The following ADAMTSL1 variants were observed in gnomAD, a reference collection of about 807,000 sequenced individuals.
ADAMTSL1 encodes the protein ADAMTS like 1.
A neutral mutation model predicts 201.8 loss-of-function variants in ADAMTSL1; 126 were observed. That is an observed-to-expected ratio of 0.62 (90% CI 0.54 to 0.72). The LOEUF is 0.72. Ranked by LOEUF, ADAMTSL1 falls within the 30% of genes least tolerant of loss-of-function variation. The probability of loss-of-function intolerance (pLI) is 0.00; values close to 1 mark genes in which losing one functional copy is unlikely to be tolerated. For synonymous variants in ADAMTSL1, 1,121 were observed against 903.4 expected (o/e 1.24, Z -4.32); for missense variants, 2,679 against 2,277.8 (o/e 1.18, Z -3.59).
chr9:18,638,156 C>T (rs544109271), intron 6 of ADAMTSL1, among the ~76,000 whole-genome samples: 7 of 152,198 alleles, frequency 4.6e-5, no homozygotes, highest in African/African-American at 1.7e-4. Context: ...AGAAGAAAGT[C>T]TCCACAGACT....
rs763106992 is a variant in ADAMTSL1, at chr9:18,829,997, A to G, written c.4249+20A>G. 2 of 1,592,332 alleles carry G rather than the reference A, an allele frequency of 1.3e-6. No individual in the cohort carries two copies. The highest frequency in any genetic ancestry group is 2.3e-5 in the South Asian group (2 of 87,748). On this transcript the variant is annotated intron_variant, in intron 23 of 28. Transcript: ENST00000380548. ...TCCTTGGTGAGTCTAACCCTCGGAAACATTGGGCAGAAAGCCAGGACTGGA... is the reference window on the plus strand; with the variant it reads ...TCCTTGGTGAGTCTAACCCTCGGAAGCATTGGGCAGAAAGCCAGGACTGGA...
intron 4 of ADAMTSL1, among the ~76,000 whole-genome samples, chr9:18,577,098 T>C (rs573929871): frequency 6.6e-6 from 1 of 152,300 alleles, no homozygotes; most frequent in East Asian, 1.9e-4. Context: ...AATTCAGATT[T>C]ATTAATTCTA....
intron 7 of ADAMTSL1, among the ~76,000 whole-genome samples, chr9:18,652,505 C>A (rs1278287806): frequency 6.6e-6 from 1 of 151,876 alleles, no homozygotes; most frequent in South Asian, 2.1e-4. Flanking sequence ...TTTGGTGAAA[C>A]AGCAATATGC....
chr9:18,824,199 A>C (rs946882557), intron 21 of ADAMTSL1, among the ~76,000 whole-genome samples: 7 of 150,684 alleles, frequency 4.6e-5, no homozygotes, highest in African/African-American at 1.7e-4. Flanking sequence ...TTTAAATGGG[A>C]AAAAAACTAA....
chr9:17,946,502 T>G (rs144909473), intron 1 of ADAMTSL1, among the ~76,000 whole-genome samples: 121 of 152,260 alleles, frequency 7.9e-4, no homozygotes, highest in African/African-American at 2.8e-3. Context: ...GTAAGAAAGA[T>G]CTCTTTATGA....
intron 2 of ADAMTSL1, among the ~76,000 whole-genome samples, chr9:18,178,873 T>C (rs10963501): frequency 0.14 from 21,768 of 150,126 alleles, 1,779 homozygotes; most frequent in East Asian, 0.24. Context: ...AAAAACCCAT[T>C]TGTACATCAC....
intron 5 of ADAMTSL1, among the ~76,000 whole-genome samples, chr9:18,628,453 A>G (rs1826536183): frequency 6.6e-6 from 1 of 152,014 alleles, no homozygotes; most frequent in African/African-American, 2.4e-5. Context: ...CTTCATCAAT[A>G]CTCCATTTTT....
At chr9:18,692,623 A>C (rs533273653) in intron 13 of ADAMTSL1, among the ~76,000 whole-genome samples, 1 of 152,324 alleles carries the variant, frequency 6.6e-6, no homozygotes, top group South Asian at 2.1e-4. Flanking sequence ...AAGCTTTGCC[A>C]AACATGTTGA....
At chr9:18,433,771 T>C (rs1441735961) in intron 2 of ADAMTSL1, among the ~76,000 whole-genome samples, 1 of 152,184 alleles carries the variant, frequency 6.6e-6, no homozygotes, top group Non-Finnish European at 1.5e-5. Context: ...CTAGGAAAGT[T>C]TTCAAATAGT....
intron 2 of ADAMTSL1, among the ~76,000 whole-genome samples, chr9:18,196,441 C>G (rs186910549): frequency 1.6e-3 from 240 of 152,098 alleles, no homozygotes; most frequent in African/African-American, 5.4e-3. Context: ...AAAAATGTGG[C>G]TGTTGCAGCC....
intron 1 of ADAMTSL1, among the ~76,000 whole-genome samples, chr9:17,915,336 T>G (rs73414844): frequency 0.031 from 4,782 of 152,296 alleles, 136 homozygotes; most frequent in African/African-American, 0.079. Flanking sequence ...GCTTTTGGCT[T>G]TTTCCCCTCA....
chr9:18,307,548 T>C (rs556801866), intron 2 of ADAMTSL1, among the ~76,000 whole-genome samples: 1 of 152,130 alleles, frequency 6.6e-6, no homozygotes, highest in African/African-American at 2.4e-5. Flanking sequence ...TGCAATCCTA[T>C]TCTCTCATAA....
chr9:18,802,244 C>T (rs560689156), intron 20 of ADAMTSL1, among the ~76,000 whole-genome samples: 2 of 152,238 alleles, frequency 1.3e-5, no homozygotes, highest in South Asian at 2.1e-4. Flanking sequence ...GCACTCCAGC[C>T]TGAGTGCCAG....
intron 1 of ADAMTSL1, among the ~76,000 whole-genome samples, chr9:17,909,909 C>G (rs1825868012): frequency 1.5e-5 from 1 of 65,792 alleles, no homozygotes; most frequent in Admixed American, 1.8e-4. Flanking sequence ...TGCAGCGCAC[C>G]AGCATGGCAC....
chr9:17,980,967 C>G (rs1357382077), intron 1 of ADAMTSL1, among the ~76,000 whole-genome samples: 2 of 152,150 alleles, frequency 1.3e-5, no homozygotes, highest in Non-Finnish European at 2.9e-5. Context: ...TGACAACCAG[C>G]TTTTGGGGAA....
intron 2 of ADAMTSL1, among the ~76,000 whole-genome samples, chr9:18,278,725 T>C (rs915655290): frequency 2.0e-5 from 3 of 152,222 alleles, no homozygotes; most frequent in Admixed American, 1.3e-4. Flanking sequence ...TTTTCTGTCA[T>C]TATTTCTTTA....
At chr9:18,711,974 C>A (rs1181893840) in intron 14 of ADAMTSL1, among the ~76,000 whole-genome samples, 64 of 152,108 alleles carry the variant, frequency 4.2e-4, no homozygotes, top group South Asian at 2.1e-4. Flanking sequence ...GAGGCACCCC[C>A]CAGCAGGGGC....
At chr9:18,599,996 C>CAAAAAAAA (rs57914274) in intron 4 of ADAMTSL1, among the ~76,000 whole-genome samples, 775 of 86,894 alleles carry the variant, frequency 8.9e-3, no homozygotes, top group Middle Eastern at 0.013. Flanking sequence ...ACTAAAAATA[C>CAAAAAAAA]AAAAAAAAAA....
chr9:18,192,469 C>A (rs1829007789), intron 2 of ADAMTSL1, among the ~76,000 whole-genome samples: 1 of 152,122 alleles, frequency 6.6e-6, no homozygotes. Context: ...TTCGTCCTAC[C>A]ATATGTGTCT....
Sources: gnomAD v4.1 joint callset for allele counts (sites outside exome capture counted in the v4.1 genomes callset) on GRCh38, gnomAD v4.1.1 for gene constraint, MANE v1.5 for transcripts, NCBI Gene and HGNC (gene_info 2026-07-23, HGNC 2026-07-21) for gene names.